Variants in DDX24 observed in about 807,000 individuals in gnomAD.
DDX24 encodes the protein DEAD-box helicase 24, also known as ATP-dependent RNA helicase DDX24.
In DDX24, 24 loss-of-function variants were observed where a neutral mutation model predicts 68.9. The observed-to-expected ratio is 0.35, with a 90% confidence interval of 0.25 to 0.49. DDX24 has a LOEUF of 0.49. Ranked by LOEUF, DDX24 falls within the 20% of genes least tolerant of loss-of-function variation. The pLI is 0.99. For synonymous variants in DDX24, 395 were observed against 385.2 expected, an observed-to-expected ratio of 1.03 and a Z score of -0.30; for missense variants, 989 against 1,039.0, an observed-to-expected ratio of 0.95 and a Z score of 0.66.
chr14:94,079,281 CT>C lies in DDX24; in HGVS notation c.461del (p.Lys154ArgfsTer57). 1.2e-6 allele frequency: 2 copies of C among 1,614,052 alleles called. No individual in the cohort carries two copies. The highest frequency in any genetic ancestry group is 1.7e-6 in the Non-Finnish European group (2 of 1,180,014). ...SENLVQTAPK[K>X]KKNKGKKGLE... ...ACCCTTTTTTCCCTTTATTTTTCTT[CT>C]TTTTTGGAGCAGTTTGGACCAGGTT... is the stretch of plus-strand genomic sequence containing the variant. On this transcript the variant is annotated frameshift_variant, in exon 2 of 9. Coordinates refer to ENST00000621632, the MANE Select transcript of DDX24 (RefSeq NM_020414.4). LOFTEE classifies it high-confidence loss of function.
intron 2 of DDX24, among the ~76,000 whole-genome samples, chr14:94,070,670 C>T (rs1183230382): frequency 1.3e-5 from 2 of 152,142 alleles, no homozygotes; most frequent in African/African-American, 4.8e-5. Flanking sequence ...GCACAAAGAC[C>T]AATGGAACAG....
intron 2 of DDX24, among the ~76,000 whole-genome samples, chr14:94,077,263 G>A (rs960726087): frequency 6.6e-6 from 1 of 152,144 alleles, no homozygotes; most frequent in Non-Finnish European, 1.5e-5. Context: ...CATGGGCAGT[G>A]GTCTGTTCAC....
intron 6 of DDX24, chr14:94,056,520 C>A (rs1445359726): frequency 2.0e-5 from 3 of 152,240 alleles, no homozygotes; most frequent in Non-Finnish European, 4.4e-5. Flanking sequence ...CATGGCAACT[C>A]CATGCTCCTT....
intron 8 of DDX24, chr14:94,051,776 G>T: frequency 3.4e-6 from 1 of 293,604 alleles, no homozygotes; most frequent in Non-Finnish European, 6.3e-6. Context: ...CCAGTCATCA[G>T]ACAGAGCCCA....
At chr14:94,065,031 A>T (rs1885671471) in intron 2 of DDX24, among the ~76,000 whole-genome samples, 1 of 151,214 alleles carries the variant, frequency 6.6e-6, no homozygotes, top group Admixed American at 6.6e-5. Flanking sequence ...TTTGATGCCA[A>T]GAGTGTTCTG....
In DDX24 at chr14:94,068,360, G is replaced by A. The variant is rs571376069; in HGVS notation, c.719-5739C>T. ...CTAACACTGGAGCTCACCAATTTAC[G>A]AAACAATTACTAACAGACCTAAGAA... On this transcript the variant is annotated intron_variant, in intron 2 of 8. Transcript: ENST00000621632. Among the ~76,000 whole-genome samples the A allele has an allele frequency of 3.9e-5, 6 of 152,186 alleles. No homozygotes were observed. The East Asian group carries it at 5.8e-4, about 15-fold the overall frequency.
chr14:94,075,118 A>G (rs1339057750), intron 2 of DDX24, among the ~76,000 whole-genome samples: 6 of 152,326 alleles, frequency 3.9e-5, no homozygotes, highest in East Asian at 1.9e-4. Context: ...CCCAATCCAG[A>G]TATCAGCTTA....
Position 94,062,273 on chromosome 14 carries a change from T to A in DDX24, c.1067A>T (p.Asn356Ile). ...CTCTTTATCAAGATTTTCCTCCTCA[T>A]TCTCATTCTGTTTGGGAACAGGTTT... ...REKPVPKQNENEEENLDKEQT... is the reference protein window; with the variant it reads ...REKPVPKQNEIEEENLDKEQT... The change falls in exon 3 of 9, where the codon AAT (asparagine) becomes ATT (isoleucine). Residue 356 changes from asparagine (N) to isoleucine (I), a missense_variant. Physicochemically the swap from Asn to Ile is moderately radical, Grantham distance 149. Coordinates refer to ENST00000621632, the MANE Select transcript of DDX24 (RefSeq NM_020414.4). 1.9e-6 allele frequency: 3 copies of A among 1,614,164 alleles called. No homozygotes were observed. Among genetic ancestry groups the A allele is most frequent in the Non-Finnish European group, 2.5e-6 (3 of 1,180,018 alleles).
At chr14:94,071,142 A>T (rs1008616178) in intron 2 of DDX24, among the ~76,000 whole-genome samples, 13 of 152,230 alleles carry the variant, frequency 8.5e-5, no homozygotes, top group South Asian at 2.1e-4. Context: ...CAGAATCTAC[A>T]GCAAACTCAA....
chr14:94,058,304 T>C (rs923719195), intron 5 of DDX24, among the ~76,000 whole-genome samples: 1 of 152,152 alleles, frequency 6.6e-6, no homozygotes, highest in African/African-American at 2.4e-5. Context: ...CTCCAAGCCT[T>C]TGCACTTGCT....
intron 3 of DDX24, 38 bp from the exon 4 acceptor site, chr14:94,061,104 T>C (rs1885588305): frequency 1.9e-6 from 3 of 1,607,156 alleles, no homozygotes; most frequent in Non-Finnish European, 2.6e-6. Flanking sequence ...TTATTCAATC[T>C]GGGTGATCAT....
intron 6 of DDX24, chr14:94,055,401 C>T (rs1192811886): frequency 1.8e-6 from 1 of 553,182 alleles, no homozygotes; most frequent in Non-Finnish European, 3.2e-6. Flanking sequence ...CCCTCCCATG[C>T]CCCTGACCCT....
chr14:94,058,024 C>A (rs1461345532), intron 5 of DDX24, 127 bp from the exon 6 acceptor site: 16 of 827,714 alleles, frequency 1.9e-5, no homozygotes, highest in Admixed American at 3.1e-5. Flanking sequence ...ACTTGTATAC[C>A]CTTTTACAGA....
chr14:94,051,554 G>GAACTACTTTA, intron 8 of DDX24, 92 bp from the exon 9 acceptor site: 2 of 1,471,168 alleles, frequency 1.4e-6, no homozygotes, highest in South Asian at 1.4e-5. Context: ...AAATGTTTTA[G>GAACTACTTTA]AACTACTTTA....
At position 94,062,099 on chromosome 14, in the gene DDX24, G is replaced by A; in HGVS notation, c.1241C>T (p.Thr414Ile). Residue 414 changes from threonine to isoleucine, a missense_variant and splice_region_variant, in exon 3 of 9, where the codon ACA becomes ATA. Thr to Ile is a moderately conservative substitution (Grantham distance 89). This residue lies in a region of DDX24 where 691 missense variants were observed against 760.0 expected (regional missense o/e 0.91). Coordinates refer to ENST00000621632, the MANE Select transcript of DDX24 (RefSeq NM_020414.4). Reference protein sequence around the residue: ...KQHIDAVARFTGIKTAILVGG... With the variant: ...KQHIDAVARFIGIKTAILVGG... ...TATTAAATGGAACTAAACCTCACCT[G>A]TAAACCTGGCCACAGCATCAATGTG... 6.2e-7 allele frequency: 1 copy of A among 1,607,730 alleles called. No homozygotes were observed. Among genetic ancestry groups the A allele is most frequent in the Non-Finnish European group, 8.5e-7 (1 of 1,176,142 alleles).
rs888260911 is a variant in DDX24 at position 94,051,594 on chromosome 14, A to C, written c.2309-132T>G. The stretch of plus-strand genomic sequence containing the variant: ...GGCAGGGTTCAAAAGTTCTCTGAAG[A>C]AGCTAGTGGTGGCTTGGCAGGGGCT... On this transcript the variant is annotated intron_variant, in intron 8 of 8. Transcript: ENST00000621632. 17 of 1,257,028 alleles carry C rather than the reference A, an allele frequency of 1.4e-5. No individual in the cohort carries two copies. In the South Asian group the frequency reaches 2.0e-4, roughly 14 times the overall value. The allele number at this position is 1,257,028 out of a possible 1,614,324, so 77.9% of individuals were successfully genotyped here. A position where few individuals can be genotyped will look rare whatever the true frequency, so the allele number is the denominator to read the frequency against.
chr14:94,065,099 G>A (rs1323070602), intron 2 of DDX24, among the ~76,000 whole-genome samples: 2 of 151,472 alleles, frequency 1.3e-5, no homozygotes, highest in Non-Finnish European at 2.9e-5. Flanking sequence ...CGCCAGGCTG[G>A]AGTACAGTGG....
rs770490548 is a variant in DDX24, at chr14:94,051,473, A to G, written c.2309-11T>C. ...GGTCAGCTTTTCCTCCTTGAAACAC[A>G]ATACAAAAACGATCCTATTTACTAT... On this transcript the variant is annotated splice_polypyrimidine_tract_variant and intron_variant, in intron 8 of 8. Transcript: ENST00000621632. 1.0e-5 allele frequency: 16 copies of G among 1,527,768 alleles called. No homozygotes were observed. The highest frequency in any genetic ancestry group is 2.6e-5 in the South Asian group (2 of 76,406). The allele number at this position is 1,527,768 out of a possible 1,614,324, so 94.6% of individuals were successfully genotyped here. A position where few individuals can be genotyped will look rare whatever the true frequency, so the allele number is the denominator to read the frequency against.
At chr14:94,066,610 C>A (rs1885710002) in intron 2 of DDX24, among the ~76,000 whole-genome samples, 1 of 152,204 alleles carries the variant, frequency 6.6e-6, no homozygotes, top group African/African-American at 2.4e-5. Context: ...TCCACCGGAA[C>A]AGGCGCTGGT....
Sources: allele counts gnomAD v4.1 joint callset (sites outside exome capture counted in the v4.1 genomes callset), GRCh38; gene constraint gnomAD v4.1.1; regional missense constraint gnomAD v4.1.1; transcripts MANE v1.5; gene names NCBI Gene and HGNC (gene_info 2026-07-23, HGNC 2026-07-21).